The following HMG20A variants were observed in gnomAD, a reference collection of about 807,000 sequenced individuals.
The protein encoded by HMG20A is high mobility group protein 20A.
A neutral mutation model predicts 43.9 loss-of-function variants in HMG20A; 17 were observed. The ratio of observed to expected loss-of-function variants is 0.39; its 90% CI spans 0.27 to 0.58. The LOEUF (loss-of-function observed/expected upper bound fraction) is 0.58, where lower values mean the gene tolerates loss of function less well. HMG20A is among the 20% of genes least tolerant of loss of function. The probability of loss-of-function intolerance (pLI) is 0.59; values close to 1 mark genes in which losing one functional copy is unlikely to be tolerated. For synonymous variants in HMG20A, 132 were observed against 147.5 expected, an observed-to-expected ratio of 0.89 and a Z score of 0.76; for missense variants, 341 against 438.2, an observed-to-expected ratio of 0.78 and a Z score of 1.98.
chr15:77,457,602 C>T (rs920423199), intron 1 of HMG20A, among the ~76,000 whole-genome samples: 2 of 152,186 alleles, frequency 1.3e-5, no homozygotes, highest in African/African-American at 2.4e-5. Flanking sequence ...CTCTTTGTCA[C>T]TTTGTCCTTT....
chr15:77,491,142 C>T, the HMG20A span, among the ~76,000 whole-genome samples: 1 of 152,180 alleles, frequency 6.6e-6, no homozygotes, highest in Non-Finnish European at 1.5e-5. Flanking sequence ...ATTAGAAAAT[C>T]CTGGGGCAAG....
In HMG20A at chr15:77,429,304, G is replaced by A. The variant is rs186716097; in HGVS notation, c.-5+8300G>A. Among the ~76,000 whole-genome samples, 239 of 152,070 alleles carry A rather than the reference G, an allele frequency of 1.6e-3. 2 individuals are homozygous for A. Among genetic ancestry groups the A allele is most frequent in the African/African-American group, 5.6e-3 (233 of 41,492 alleles). On this transcript the variant is annotated intron_variant, in intron 1 of 9. Transcript: ENST00000336216. The stretch of plus-strand genomic sequence containing the variant: ...GCTAGTGAGCTCATGCAATTCTCCT[G>A]CCTCAGCCTCCCAAGTAGCTGGGAT...
At chr15:77,467,922 T>C (rs1027355542) in intron 4 of HMG20A, among the ~76,000 whole-genome samples, 6 of 152,248 alleles carry the variant, frequency 3.9e-5, no homozygotes, top group African/African-American at 7.2e-5. Context: ...GCAGTGGTCA[T>C]GGTTGTGGGA....
At chr15:77,443,711 T>C (rs1227489503) in intron 1 of HMG20A, among the ~76,000 whole-genome samples, 1 of 151,694 alleles carries the variant, frequency 6.6e-6, no homozygotes, top group East Asian at 1.9e-4. Flanking sequence ...ATTTATTTAT[T>C]ATTATTATTA....
intron 3 of HMG20A, among the ~76,000 whole-genome samples, chr15:77,465,260 C>CAAAAAAAAAAAAAAAAAAAAAAAAAA (rs71145837): frequency 1.7e-5 from 1 of 59,216 alleles, no homozygotes; most frequent in East Asian, 8.4e-4. Context: ...GACTTCGTCT[C>CAAAAAAAAAAAAAAAAAAAAAAAAAA]AAAAAAAAAA....
chr15:77,453,722 G>A (rs2072627394), intron 1 of HMG20A, among the ~76,000 whole-genome samples: 1 of 152,094 alleles, frequency 6.6e-6, no homozygotes, highest in African/African-American at 2.4e-5. Flanking sequence ...TAGCCATCCA[G>A]TATAATATTA....
chr15:77,454,074 A>T (rs2072632104), intron 1 of HMG20A, among the ~76,000 whole-genome samples: 1 of 151,460 alleles, frequency 6.6e-6, no homozygotes, highest in Non-Finnish European at 1.5e-5. Context: ...AGGCAGAGAG[A>T]TCACTTGAGA....
At chr15:77,473,907 C>T (rs1398872148) in intron 6 of HMG20A, among the ~76,000 whole-genome samples, 3 of 152,208 alleles carry the variant, frequency 2.0e-5, no homozygotes, top group African/African-American at 7.2e-5. Context: ...CTTTAGTAAG[C>T]GTGTTGACCC....
chr15:77,513,732 C>CTTTT, the HMG20A span, among the ~76,000 whole-genome samples: 1 of 143,182 alleles, frequency 7.0e-6, no homozygotes, highest in Non-Finnish European at 1.5e-5. Context: ...TCACTACCTC[C>CTTTT]TTTTTTTTTT....
the HMG20A span, among the ~76,000 whole-genome samples, chr15:77,502,223 A>G: frequency 6.6e-6 from 1 of 152,242 alleles, no homozygotes; most frequent in Non-Finnish European, 1.5e-5. Context: ...CTTTCTAGCT[A>G]CAAAGGCAGA....
At chr15:77,508,527 C>T in the HMG20A span, among the ~76,000 whole-genome samples, 36 of 152,182 alleles carry the variant, frequency 2.4e-4, no homozygotes, top group East Asian at 7.7e-4. Flanking sequence ...CAAGTGTACG[C>T]GGCTGGTCAG....
chr15:77,420,920 C>T lies in HMG20A; in HGVS notation c.-89C>T, dbSNP rs551104058. On this transcript the variant is annotated 5_prime_UTR_variant, in exon 1 of 10. Coordinates refer to ENST00000336216, the MANE Select transcript of HMG20A (RefSeq NM_001304504.2). ...AGACGACGAGTGCGTGAAGTGAAGG[C>T]GATTGAGAGGGGCTGAGGGAATTGT... 3.3e-5 allele frequency: 13 copies of T among 398,710 alleles called. No individual in the cohort carries two copies. In the South Asian group the frequency reaches 5.1e-4, roughly 16 times the overall value. 24.7% of individuals were successfully genotyped at this position (398,710 alleles called of 1,614,324 possible). A position where few individuals can be genotyped will look rare whatever the true frequency, so the allele number is the denominator to read the frequency against.
chr15:77,480,719 CTT>C (rs138884448), intron 9 of HMG20A, among the ~76,000 whole-genome samples: 45 of 128,994 alleles, frequency 3.5e-4, no homozygotes, highest in Middle Eastern at 5.3e-3. Context: ...AGTATGTATC[CTT>C]TTTTTTTTTT....
chr15:77,504,770 AT>A, the HMG20A span, among the ~76,000 whole-genome samples: 1 of 151,970 alleles, frequency 6.6e-6, no homozygotes, highest in South Asian at 2.1e-4. Flanking sequence ...GGCGTTACAA[AT>A]GGGGGGATGC....
intron 6 of HMG20A, among the ~76,000 whole-genome samples, chr15:77,476,398 T>C (rs139914045): frequency 3.3e-3 from 493 of 150,068 alleles, no homozygotes; most frequent in Non-Finnish European, 5.9e-3. Context: ...GGCAGGAGAA[T>C]TGCTTGAACC....
the HMG20A span, among the ~76,000 whole-genome samples, chr15:77,518,047 C>T: frequency 1.3e-5 from 2 of 152,218 alleles, no homozygotes; most frequent in African/African-American, 4.8e-5. Context: ...TGTGTTCACT[C>T]TCATCAACAC....
intron 6 of HMG20A, among the ~76,000 whole-genome samples, chr15:77,473,542 T>C (rs2072829332): frequency 6.6e-6 from 1 of 152,260 alleles, no homozygotes. Flanking sequence ...ATCTGACTCA[T>C]TTCATCACTA....
chr15:77,496,110 G>C, the HMG20A span, among the ~76,000 whole-genome samples: 2 of 152,158 alleles, frequency 1.3e-5, no homozygotes, highest in African/African-American at 4.8e-5. Flanking sequence ...GCTTGCCCGG[G>C]TCTGCCTTTC....
intron 1 of HMG20A, among the ~76,000 whole-genome samples, chr15:77,444,091 A>T (rs1294915305): frequency 1.3e-5 from 2 of 152,206 alleles, no homozygotes; most frequent in Non-Finnish European, 2.9e-5. Context: ...TATAATTTTT[A>T]AAATAGCTTT....
Sources: gnomAD v4.1 joint callset for allele counts (sites outside exome capture counted in the v4.1 genomes callset) on GRCh38, gnomAD v4.1.1 for gene constraint, MANE v1.5 for transcripts, NCBI Gene and HGNC (gene_info 2026-07-23, HGNC 2026-07-21) for gene names.